The following PLEC variants were observed in gnomAD, a reference collection of about 807,000 sequenced individuals.
The protein encoded by PLEC is plectin.
Under a neutral mutation model 392.8 loss-of-function variants are expected in PLEC, and 216 were observed. That is an observed-to-expected ratio of 0.55 (90% CI 0.49 to 0.62). The LOEUF is 0.62. Ranked by LOEUF, PLEC falls within the 20% of genes least tolerant of loss-of-function variation. The pLI, the probability that PLEC is intolerant of heterozygous loss-of-function variation, is 0.00. For missense variants in PLEC, 6,863 were observed against 6,563.4 expected (o/e 1.05, Z -1.58); for synonymous variants, 3,621 against 2,980.6 (o/e 1.21, Z -7.00).
At chr8:143,976,494 G>A (rs1362364886), upstream of PLEC, among the ~76,000 whole-genome samples, 1 of 152,096 alleles carries the variant, frequency 6.6e-6, no homozygotes, top group Admixed American at 6.6e-5. Flanking sequence ...CCTCCCCAGC[G>A]GCCTTTCCTG....
In PLEC at chr8:143,919,989, TG is replaced by T; in HGVS notation, c.9831del (p.Lys3278ArgfsTer103). On this transcript the variant is annotated frameshift_variant, in exon 32 of 32. Transcript: ENST00000345136. LOFTEE classifies it high-confidence loss of function. Reference protein sequence around the residue: ...RQELLRQFRTGKVTVEKVIKI... With the variant: ...RQELLRQFRTXKVTVEKVIKI... ...TTGATGACCTTCTCCACGGTGACCT[TG>T]CCCGTGCGGAACTGACGCAACAGCT... The T allele has an allele frequency of 6.2e-7, 1 of 1,613,300 alleles. No individual in the cohort carries two copies.
chr8:143,958,514 C>T, upstream of PLEC: 3 of 350,882 alleles, frequency 8.5e-6, no homozygotes, highest in South Asian at 5.9e-5. This position sits in a 1 kb window ranked among gnomAD's most constrained non-coding sequence, Gnocchi z 4.9. Flanking sequence ...CTGTCCTGTG[C>T]CCACTGTCTC....
Position 143,927,076 on chromosome 8 carries a change from A to G in PLEC, c.3846T>C (p.Tyr1282=), listed in dbSNP as rs1289629750. The G allele has an allele frequency of 6.2e-7, 1 of 1,610,432 alleles. No individual in the cohort carries two copies. The highest frequency in any genetic ancestry group is 1.3e-5 in the African/African-American group (1 of 74,926). ...AKQYINAIKD[Y]ELQLVTYKAQ... ...CCTTGTACGTCACCAGCTGGAGTTC[A>G]TAGTCCTGTGGCAATGCACTGCGGT... The change falls in exon 29 of 32, where the codon TAT becomes TAC. Residue 1282 remains tyrosine, a synonymous_variant. Coordinates refer to ENST00000345136, the MANE Select transcript of PLEC (RefSeq NM_201384.3).
intron 11 of PLEC, 46 bp downstream of exon 11, chr8:143,934,272 G>C: frequency 5.0e-6 from 8 of 1,609,342 alleles, no homozygotes; most frequent in Non-Finnish European, 6.8e-6. Flanking sequence ...CCCAGGCAGT[G>C]ACACACCCTC....
chr8:143,963,881 C>T (rs1392519180), intron 1 of PLEC, among the ~76,000 whole-genome samples: 9 of 147,894 alleles, frequency 6.1e-5, no homozygotes, highest in Non-Finnish European at 1.3e-4. Context: ...GGTGCAGTCT[C>T]GGCCCACTGA....
chr8:143,934,277 A>G (rs782686433), intron 11 of PLEC, 41 bp downstream of exon 11: 10 of 1,609,054 alleles, frequency 6.2e-6, no homozygotes, highest in Non-Finnish European at 7.6e-6. Flanking sequence ...GCAGTGACAC[A>G]CCCTCGGGTG....
chr8:143,928,047 G>C, intron 25 of PLEC, 55 bp from the exon 26 acceptor site: 2 of 1,538,902 alleles, frequency 1.3e-6, no homozygotes, highest in Non-Finnish European at 1.7e-6. Flanking sequence ...AATAGCCCAA[G>C]GGAATGGAAC....
At chr8:143,937,938 C>A (rs1024785822) in intron 3 of PLEC, among the ~76,000 whole-genome samples, 4 of 152,154 alleles carry the variant, frequency 2.6e-5, no homozygotes, top group Non-Finnish European at 5.9e-5. Flanking sequence ...AGGGTTGCGG[C>A]CACTCCCAGG....
Position 143,924,309 on chromosome 8 carries a change from C to G in PLEC, c.5620G>C (p.Ala1874Pro), listed in dbSNP as rs782237678. 2 of 1,594,984 alleles carry G rather than the reference C, an allele frequency of 1.3e-6. No homozygotes were observed. Among genetic ancestry groups the G allele is most frequent in the South Asian group, 2.2e-5 (2 of 90,722 alleles). Reference sequence around the variant, plus strand: ...TCCTCCAGCCGCCGCCGCTGGAAGGCCTCGTCCTCCGCCAGCCGCCGCAGG... The same window carrying G: ...TCCTCCAGCCGCCGCCGCTGGAAGGGCTCGTCCTCCGCCAGCCGCCGCAGG... ...ERLRRLAEDE[A>P]FQRRRLEEQA... Residue 1874 changes from alanine to proline, a missense_variant, in exon 31 of 32, where the codon GCC becomes CCC. Coordinates refer to ENST00000345136, the MANE Select transcript of PLEC (RefSeq NM_201384.3).
intron 12 of PLEC, 81 bp downstream of exon 12, chr8:143,933,917 C>T: frequency 2.4e-6 from 3 of 1,269,180 alleles, no homozygotes; most frequent in Non-Finnish European, 3.3e-6. Flanking sequence ...GGGGACAGCC[C>T]CCTCCTGGCT....
chr8:143,929,069 C>T (rs1554710097), intron 25 of PLEC, 34 bp downstream of exon 25: 1 of 1,546,420 alleles, frequency 6.5e-7, no homozygotes, highest in African/African-American at 1.4e-5. Context: ...CCCCAGCCGA[C>T]CCCAGCCCCT....
At chr8:143,938,069 C>T (rs1290809673) in intron 3 of PLEC, 82 bp downstream of exon 3, 6 of 990,190 alleles carry the variant, frequency 6.1e-6, no homozygotes, top group African/African-American at 1.6e-5. Context: ...AGTGGGCGGC[C>T]GGAGAGGCCC....
chr8:143,949,880 G>A lies in PLEC; in HGVS notation c.523+304C>T, dbSNP rs188261468. On this transcript the variant is annotated intron_variant, in intron 1 of 31. Coordinates refer to the PLEC transcript ENST00000322810. ...AGGTCACTGGGACAGGAGAGGAGGC[G>A]GAGGGGGCGAAGGCAAGGGCAGTGT... Among the ~76,000 whole-genome samples, 21 of 152,316 alleles carry A rather than the reference G, an allele frequency of 1.4e-4. No individual in the cohort carries two copies. In the South Asian group the frequency reaches 1.7e-3, roughly 12 times the overall value.
chr8:143,931,143 C>T (rs1018563304), intron 19 of PLEC, among the ~76,000 whole-genome samples: 5 of 152,120 alleles, frequency 3.3e-5, no homozygotes, highest in Admixed American at 2.6e-4. Flanking sequence ...CAAGGGCTGG[C>T]GGTGCCCCTT....
intron 13 of PLEC, 22 bp downstream of exon 13, chr8:143,933,174 AG>A (rs1564135461): frequency 1.8e-6 from 2 of 1,101,960 alleles, no homozygotes; most frequent in South Asian, 2.4e-5. Flanking sequence ...CCTGGGCTTC[AG>A]GGAGGGCAGG....
At chr8:143,929,375 G>T (rs1326049667) in intron 24 of PLEC, 39 bp downstream of exon 24, 1 of 1,567,096 alleles carries the variant, frequency 6.4e-7, no homozygotes, top group Non-Finnish European at 8.6e-7. Flanking sequence ...GGAGGGATGG[G>T]GAGAGGGATG....
In PLEC at chr8:143,917,477, C is replaced by T. The variant is rs1330276747; in HGVS notation, c.12344G>A (p.Gly4115Asp). 1 of 1,613,842 alleles carries T rather than the reference C, an allele frequency of 6.2e-7. No homozygotes were observed. Among genetic ancestry groups the T allele is most frequent in the Non-Finnish European group, 8.5e-7 (1 of 1,180,034 alleles). The stretch of plus-strand genomic sequence containing the variant: ...CTCCTTCAGCGGCAAGAGACACAGG[C>T]CCGTCTGGGGGTCAGTGATACAACG... ...MERCITDPQT[G>D]LCLLPLKEKK... The change falls in exon 32 of 32, where the codon GGC (glycine) becomes GAC (aspartate). Residue 4115 changes from glycine to aspartate, a missense_variant. By Grantham distance (94) the Gly-to-Asp change is moderately conservative. Transcript: ENST00000345136.
At chr8:143,942,498 G>A, upstream of PLEC, 1 of 1,580,812 alleles carries the variant, frequency 6.3e-7, no homozygotes. Context: ...AGGCAAAGGC[G>A]CCCCCCGCCC....
rs1321383657 is a variant in PLEC at position 143,944,763 on chromosome 8, C to T, written c.523+5421G>A. ...AGGCACAAGCCACTGGCGGCAGCGT[C>T]GGGTGGGAGGAGGGCACGGCCGTGC... On this transcript the variant is annotated intron_variant, in intron 1 of 31. Coordinates refer to the PLEC transcript ENST00000322810. 9.7e-6 allele frequency: 12 copies of T among 1,242,388 alleles called. No homozygotes were observed. The Admixed American group carries it at 1.2e-4, about 13-fold the overall frequency. The allele number at this position is 1,242,388 out of a possible 1,614,324, so 77.0% of individuals were successfully genotyped here.
Sources: allele counts gnomAD v4.1 joint callset (sites outside exome capture counted in the v4.1 genomes callset), GRCh38; gene constraint gnomAD v4.1.1; non-coding constraint Gnocchi (gnomAD v3.1); transcripts MANE v1.5; gene names NCBI Gene and HGNC (gene_info 2026-07-23, HGNC 2026-07-21).